The following WDR64 variants were observed in gnomAD, a reference collection of about 807,000 sequenced individuals.
WDR64 encodes WD repeat domain 64.
Under a neutral mutation model 139.3 loss-of-function variants are expected in WDR64, and 112 were observed. The observed-to-expected ratio is 0.80, with a 90% CI of 0.69 to 0.94. The LOEUF is 0.94. Ranked by LOEUF, WDR64 falls within the 40% of genes least tolerant of loss-of-function variation. The pLI is 0.00. For synonymous variants in WDR64, 444 were observed against 437.7 expected (o/e 1.01, Z -0.18); for missense variants, 1,206 against 1,293.1 (o/e 0.93, Z 1.03).
chr1:241,796,257 A>C lies in WDR64; in HGVS notation c.3079A>C (p.Ile1027Leu). 1.2e-6 allele frequency: 2 copies of C among 1,608,520 alleles called. No individual in the cohort carries two copies. Among genetic ancestry groups the C allele is most frequent in the Non-Finnish European group, 1.7e-6 (2 of 1,175,982 alleles). Residue 1027 changes from isoleucine to leucine, a missense_variant and splice_region_variant, in exon 27 of 28, where the codon ATA (isoleucine) becomes CTA (leucine). Physicochemically the swap from Ile to Leu is conservative, Grantham distance 5. Transcript: ENST00000437684. ...TCACTGACTAATTTATGGCTTCCAG[A>C]TATCAAGCCCCACTAGTCTAAGATT... ...IVFGSLPIYS[I>L]SSPTSLRFLP...
chr1:241,796,858 G>A (rs989732108), intron 27 of WDR64, among the ~76,000 whole-genome samples: 2 of 152,150 alleles, frequency 1.3e-5, no homozygotes, highest in Non-Finnish European at 2.9e-5. Context: ...TGAAAATCAT[G>A]AATTTGCTGG....
intron 27 of WDR64, among the ~76,000 whole-genome samples, chr1:241,799,127 A>G (rs1036226898): frequency 1.4e-5 from 2 of 140,816 alleles, no homozygotes; most frequent in East Asian, 4.7e-4. Context: ...GCACTTTGGG[A>G]GGCTGAGGCA....
chr1:241,755,895 G>A (rs967660272), intron 14 of WDR64, among the ~76,000 whole-genome samples: 15 of 152,042 alleles, frequency 9.9e-5, no homozygotes, highest in African/African-American at 3.6e-4. Flanking sequence ...TATTCCTGAG[G>A]CCTCTGTTCT....
chr1:241,793,229 C>A (rs2148330697), intron 25 of WDR64, among the ~76,000 whole-genome samples: 1 of 152,232 alleles, frequency 6.6e-6, no homozygotes, highest in Non-Finnish European at 1.5e-5. Flanking sequence ...ATTATATAAA[C>A]AAAAGCAAGA....
chr1:241,753,861 A>T (rs7520629), intron 14 of WDR64, among the ~76,000 whole-genome samples: 22,908 of 152,204 alleles, frequency 0.15, 1,918 homozygotes, highest in African/African-American at 0.19. Context: ...AAATCTGAAT[A>T]AATGGAGAGA....
At chr1:241,793,443 G>A (rs1333181291) in intron 25 of WDR64, among the ~76,000 whole-genome samples, 1 of 152,140 alleles carries the variant, frequency 6.6e-6, no homozygotes, top group Non-Finnish European at 1.5e-5. Flanking sequence ...AGTTGGGGGT[G>A]TTGTTCCAAT....
At chr1:241,767,401 G>T (rs76917703) in intron 16 of WDR64, among the ~76,000 whole-genome samples, 3,693 of 152,090 alleles carry the variant, frequency 0.024, 65 homozygotes, top group Middle Eastern at 0.065. Flanking sequence ...TGTTTGGATG[G>T]ATTGTAAGTA....
At chr1:241,795,087 AC>A (rs113498315) in intron 25 of WDR64, 119 bp from the exon 26 acceptor site, 8 of 753,628 alleles carry the variant, frequency 1.1e-5, no homozygotes, top group African/African-American at 9.0e-5. Context: ...TAACTAGGTA[AC>A]AGGGAAGTCC....
chr1:241,703,492 T>C lies in WDR64; in HGVS notation c.975-8310T>C, dbSNP rs1024676012. 6.6e-6 allele frequency among the ~76,000 whole-genome samples: 1 copy of C among 151,684 alleles called. No individual in the cohort carries two copies. The highest frequency in any genetic ancestry group is 1.5e-5 in the Non-Finnish European group (1 of 67,948). ...TTTTTTTTCTGTTTTGAAGAAACTG[T>C]CAGAAAATGTTTCTCTTTAAAATTG... On this transcript the variant is annotated intron_variant, in intron 8 of 27. Transcript: ENST00000437684. The surrounding 1 kb of genome is among the most constrained non-coding windows in gnomAD (Gnocchi z 5.9).
chr1:241,762,117 CT>C (rs1425103420), intron 15 of WDR64, among the ~76,000 whole-genome samples: 2 of 152,188 alleles, frequency 1.3e-5, no homozygotes, highest in Non-Finnish European at 2.9e-5. Context: ...GAACCACTAT[CT>C]ATGGCAGCTA....
chr1:241,699,265 A>G (rs1667614058), intron 8 of WDR64, among the ~76,000 whole-genome samples: 1 of 152,212 alleles, frequency 6.6e-6, no homozygotes. Flanking sequence ...GGTGAGGGTT[A>G]CCAATACATG....
At position 241,672,367 on chromosome 1, in the gene WDR64, T is replaced by G. The variant is rs7412892; in HGVS notation, c.379+1191T>G. On this transcript the variant is annotated intron_variant, in intron 3 of 27. Coordinates refer to ENST00000437684, the MANE Select transcript of WDR64 (RefSeq NM_001367482.1). ...AGGGCTGTCCCTGCTGCCACCACAC[T>G]GAGCTAAGGAGGGGCCCCAGAGCAG... 5.2e-3 allele frequency among the ~76,000 whole-genome samples: 785 copies of G among 152,120 alleles called. 5 individuals carry two copies. Among genetic ancestry groups the G allele is most frequent in the African/African-American group, 0.018 (753 of 41,498 alleles).
In WDR64 at chr1:241,723,988, A is replaced by G. The variant is rs190511997; in HGVS notation, c.1194+552A>G. ...TTCTAAAAAATAAATAAGGAAATAA[A>G]TAAATAAATGTCTATATAAGAACAA... On this transcript the variant is annotated intron_variant, in intron 10 of 27. Coordinates refer to ENST00000437684, the MANE Select transcript of WDR64 (RefSeq NM_001367482.1). Among the ~76,000 whole-genome samples, 148 of 152,156 alleles carry G rather than the reference A, an allele frequency of 9.7e-4. 2 individuals carry two copies. Among genetic ancestry groups the G allele is most frequent in the African/African-American group, 3.5e-3 (147 of 41,580 alleles).
intron 7 of WDR64, among the ~76,000 whole-genome samples, chr1:241,686,176 G>C (rs1297294513): frequency 6.6e-6 from 1 of 152,150 alleles, no homozygotes; most frequent in Non-Finnish European, 1.5e-5. Context: ...TACACCAAGA[G>C]ATCTTCAAAC....
intron 2 of WDR64, among the ~76,000 whole-genome samples, chr1:241,661,164 A>T (rs1026462439): frequency 6.2e-5 from 8 of 129,680 alleles, no homozygotes; most frequent in South Asian, 2.7e-4. Context: ...CTGGTTCTTT[A>T]AAAAAAAAAT....
intron 3 of WDR64, among the ~76,000 whole-genome samples, chr1:241,671,775 G>A (rs1230983762): frequency 6.6e-6 from 1 of 152,136 alleles, no homozygotes; most frequent in Non-Finnish European, 1.5e-5. Flanking sequence ...CCTCCATGGT[G>A]GGAGGAGGTC....
At position 241,782,014 on chromosome 1, in the gene WDR64, C is replaced by T. The variant is rs935630734; in HGVS notation, c.2596-1258C>T. On this transcript the variant is annotated intron_variant, in intron 22 of 27. Coordinates refer to ENST00000437684, the MANE Select transcript of WDR64 (RefSeq NM_001367482.1). ...GAGACAATAAGAAGTAGGCCAGACA[C>T]GGTGGCTCACGCCTGTAATCCCAGC... Among the ~76,000 whole-genome samples the T allele has an allele frequency of 9.8e-5, 15 of 152,332 alleles. No individual in the cohort carries two copies. In the South Asian group the frequency reaches 1.4e-3, roughly 15 times the overall value.
chr1:241,737,203 A>C (rs75232587), intron 10 of WDR64, among the ~76,000 whole-genome samples: 3,053 of 152,300 alleles, frequency 0.02, 104 homozygotes, highest in African/African-American at 0.07. Context: ...AAAGAAAATA[A>C]ATTTCAATGG....
At chr1:241,679,849 T>C (rs966278680) in intron 6 of WDR64, among the ~76,000 whole-genome samples, 1 of 152,234 alleles carries the variant, frequency 6.6e-6, no homozygotes, top group Non-Finnish European at 1.5e-5. Context: ...CTTTCTTCTT[T>C]TATACCCTTC....
Sources: allele counts gnomAD v4.1 joint callset (sites outside exome capture counted in the v4.1 genomes callset), GRCh38; gene constraint gnomAD v4.1.1; non-coding constraint Gnocchi (gnomAD v3.1); transcripts MANE v1.5; gene names NCBI Gene and HGNC (gene_info 2026-07-23, HGNC 2026-07-21).